The following UBLCP1 variants were observed in gnomAD, a reference collection of about 807,000 sequenced individuals.
UBLCP1 encodes the protein ubiquitin-like domain-containing CTD phosphatase 1.
In UBLCP1, 28 loss-of-function variants were observed where a neutral mutation model predicts 42.4. That is an observed-to-expected ratio of 0.66 (90% CI 0.49 to 0.90). The LOEUF (loss-of-function observed/expected upper bound fraction) is 0.90. UBLCP1 is among the 40% of genes least tolerant of loss of function. The pLI is 0.00. For missense variants in UBLCP1, 279 were observed against 374.5 expected (o/e 0.75, Z 2.10); for synonymous variants, 122 against 120.8 (o/e 1.01, Z -0.07).
chr5:159,283,247 T>A lies in UBLCP1; in HGVS notation c.837T>A (p.Asp279Glu). The A allele has an allele frequency of 6.2e-7, 1 of 1,607,588 alleles. No homozygotes were observed. Among genetic ancestry groups the A allele is most frequent in the Non-Finnish European group, 8.5e-7 (1 of 1,177,516 alleles). ...TTATGAAAGCGCACCTAAATCGTGA[T>A]AAAGACAAAGAACTTTTAAAATTAA... ...RPFMKAHLNR[D>E]KDKELLKLTQ... The change falls in exon 10 of 11, where the codon GAT (aspartate) becomes GAA (glutamate). Residue 279 changes from aspartate to glutamate, a missense_variant. By Grantham distance (45) the Asp-to-Glu change is conservative. Coordinates refer to ENST00000296786, the MANE Select transcript of UBLCP1 (RefSeq NM_145049.5).
chr5:159,266,222 G>A (rs1753389244), intron 1 of UBLCP1, among the ~76,000 whole-genome samples: 1 of 152,196 alleles, frequency 6.6e-6, no homozygotes, highest in African/African-American at 2.4e-5. Context: ...TGAACCATAA[G>A]GTCCAGGCTG....
intron 8 of UBLCP1, among the ~76,000 whole-genome samples, chr5:159,276,430 A>G (rs1303059444): frequency 6.6e-6 from 1 of 152,242 alleles, no homozygotes; most frequent in Non-Finnish European, 1.5e-5. Flanking sequence ...TTGTTCTATA[A>G]AGGAAATACT....
intron 9 of UBLCP1, among the ~76,000 whole-genome samples, chr5:159,282,125 C>G (rs896323297): frequency 6.6e-6 from 1 of 152,042 alleles, no homozygotes; most frequent in Admixed American, 6.5e-5. Flanking sequence ...TTGCTCTATA[C>G]GCTACTTCCC....
intron 6 of UBLCP1, among the ~76,000 whole-genome samples, chr5:159,273,967 G>A (rs924781371): frequency 8.6e-5 from 13 of 152,004 alleles, no homozygotes; most frequent in Admixed American, 2.6e-4. Flanking sequence ...TAAAGATGAG[G>A]ATTTAATTTT....
At chr5:159,265,522 T>C (rs554723585) in intron 1 of UBLCP1, among the ~76,000 whole-genome samples, 57 of 152,360 alleles carry the variant, frequency 3.7e-4, no homozygotes, top group Middle Eastern at 3.4e-3. Context: ...ATTTTCTGAT[T>C]GATATGGTTT....
chr5:159,270,602 G>C lies in UBLCP1; in HGVS notation c.407G>C (p.Gly136Ala). The part of the protein sequence containing the change: ...KVEILNPPRE[G>A]KKLLVLDVDY... Reference sequence around the variant, plus strand: ...GAAATTTTGAATCCTCCCAGGGAAGGGAAAAAGCTTTTGGTGCTAGATGTT... The same window carrying C: ...GAAATTTTGAATCCTCCCAGGGAAGCGAAAAAGCTTTTGGTGCTAGATGTT... The change falls in exon 5 of 11, where the codon GGG becomes GCG. Residue 136 changes from glycine (G) to alanine (A), a missense_variant. Transcript: ENST00000296786. 2 of 1,608,316 alleles carry C rather than the reference G, an allele frequency of 1.2e-6. No individual in the cohort carries two copies. The highest frequency in any genetic ancestry group is 1.7e-6 in the Non-Finnish European group (2 of 1,178,418).
At chr5:159,279,741 T>A (rs1392793478) in intron 9 of UBLCP1, among the ~76,000 whole-genome samples, 2 of 152,194 alleles carry the variant, frequency 1.3e-5, no homozygotes, top group Non-Finnish European at 2.9e-5. Flanking sequence ...AGAGAAGTGC[T>A]TTTCTTAATA....
chr5:159,270,824 G>A (rs528759775), intron 5 of UBLCP1, among the ~76,000 whole-genome samples, 181 bp downstream of exon 5: 41 of 125,528 alleles, frequency 3.3e-4, no homozygotes, highest in Admixed American at 9.8e-4. Context: ...AAAGTCATCT[G>A]TAATCCTGAT....
chr5:159,268,903 A>G lies in UBLCP1; in HGVS notation c.-13A>G, dbSNP rs1384647072. ...TTTTCTGAAGGAAAGCTGCTTCCTC[A>G]TATGTTTCAAGAATGGCTCTCCCTA... is the stretch of plus-strand genomic sequence containing the variant. On this transcript the variant is annotated 5_prime_UTR_variant, in exon 2 of 11. Coordinates refer to ENST00000296786, the MANE Select transcript of UBLCP1 (RefSeq NM_145049.5). The G allele has an allele frequency of 3.1e-6, 5 of 1,601,388 alleles. No individual in the cohort carries two copies. The highest frequency in any genetic ancestry group is 4.2e-6 in the Non-Finnish European group (5 of 1,176,516).
Position 159,277,169 on chromosome 5 carries a change from G to A in UBLCP1, c.685-1069G>A, listed in dbSNP as rs574004253. ...ATTCTTATATATTTGTCTTCATTTCGTGGGGGGAGTAGGGGGCGGTTTCTA... is the reference window on the plus strand; with the variant it reads ...ATTCTTATATATTTGTCTTCATTTCATGGGGGGAGTAGGGGGCGGTTTCTA... On this transcript the variant is annotated intron_variant, in intron 8 of 10. Transcript: ENST00000296786. Among the ~76,000 whole-genome samples the A allele has an allele frequency of 1.5e-4, 23 of 151,568 alleles. No individual in the cohort carries two copies. In the South Asian group the frequency reaches 4.0e-3, roughly 26 times the overall value.
intron 10 of UBLCP1, 47 bp from the exon 11 acceptor site, chr5:159,284,857 G>T (rs1289161526): frequency 6.2e-7 from 1 of 1,605,516 alleles, no homozygotes; most frequent in Non-Finnish European, 8.5e-7. Flanking sequence ...TTATCTTCAT[G>T]AATTTAGCAT....
intron 1 of UBLCP1, among the ~76,000 whole-genome samples, chr5:159,267,475 A>G (rs1753413452): frequency 1.3e-5 from 2 of 152,190 alleles, no homozygotes; most frequent in South Asian, 2.1e-4. Context: ...CTTGTCTTAG[A>G]TGAGACTTTG....
rs918970910 is a variant in UBLCP1, at chr5:159,268,830, GTATC to G, written c.-46-36_-46-33del. The G allele has an allele frequency of 2.8e-6, 4 of 1,429,222 alleles. No homozygotes were observed. In the African/African-American group the frequency reaches 5.9e-5, roughly 21 times the overall value. 88.5% of individuals were successfully genotyped at this position (1,429,222 alleles called of 1,614,324 possible). On this transcript the variant is annotated intron_variant, in intron 1 of 10. Transcript: ENST00000296786. The stretch of plus-strand genomic sequence containing the variant: ...CTTAAAAGTTTGGCTTCAATAAACA[GTATC>G]TATTTTAACTTGTTCATTTTTGTCT...
intron 5 of UBLCP1, among the ~76,000 whole-genome samples, chr5:159,270,854 T>TATATATATAAG (rs1753456334): frequency 7.9e-5 from 12 of 151,280 alleles, no homozygotes; most frequent in South Asian, 4.2e-4. Flanking sequence ...TGACCACTCT[T>TATATATATAAG]AGTAATTTGA....
At chr5:159,277,992 A>G (rs566090617) in intron 8 of UBLCP1, among the ~76,000 whole-genome samples, 1 of 152,366 alleles carries the variant, frequency 6.6e-6, no homozygotes, top group African/African-American at 2.4e-5. Context: ...TCTTCACGTT[A>G]AAATTATGGA....
At chr5:159,276,144 T>C (rs1262088101) in intron 8 of UBLCP1, among the ~76,000 whole-genome samples, 3 of 152,120 alleles carry the variant, frequency 2.0e-5, no homozygotes, top group Non-Finnish European at 2.9e-5. Flanking sequence ...AACTGTTAGC[T>C]GGGCTGGATA....
At chr5:159,265,996 T>C (rs936053948) in intron 1 of UBLCP1, among the ~76,000 whole-genome samples, 12 of 152,190 alleles carry the variant, frequency 7.9e-5, no homozygotes, top group Non-Finnish European at 1.6e-4. Context: ...GGGTATGTCT[T>C]AGCAGCATGA....
Position 159,272,100 on chromosome 5 carries a change from G to T in UBLCP1, c.526G>T (p.Asp176Tyr). The change falls in exon 6 of 11, where the codon GAT becomes TAT. Residue 176 changes from aspartate to tyrosine, a missense_variant. Physicochemically the swap from Asp to Tyr is radical, Grantham distance 160. Coordinates refer to ENST00000296786, the MANE Select transcript of UBLCP1 (RefSeq NM_145049.5). ...LHEFLTSAYE[D>Y]YDIVIWSATN... is the part of the protein sequence containing the mutation. Reference sequence around the variant, plus strand: ...TGAATTTCTAACATCTGCCTATGAAGATTATGACATTGTTATTTGGTGTAA... The same window carrying T: ...TGAATTTCTAACATCTGCCTATGAATATTATGACATTGTTATTTGGTGTAA... 1 of 1,613,074 alleles carries T rather than the reference G, an allele frequency of 6.2e-7. No homozygotes were observed.
rs771216988 is a variant in UBLCP1 at position 159,283,393 on chromosome 5, T to C, written c.929+54T>C. The C allele has an allele frequency of 3.2e-4, 458 of 1,425,572 alleles. 1 individual carries two copies. Among genetic ancestry groups the C allele is most frequent in the Non-Finnish European group, 4.2e-4 (440 of 1,048,698 alleles). 88.3% of individuals were successfully genotyped at this position (1,425,572 alleles called of 1,614,324 possible). On this transcript the variant is annotated intron_variant, in intron 10 of 10. Coordinates refer to ENST00000296786, the MANE Select transcript of UBLCP1 (RefSeq NM_145049.5). ...CTTTACATCAATGAAGAAAAAATTA[T>C]CATTTTTCATCAGTGACCCCAGTAT...
Sources: gnomAD v4.1 joint callset for allele counts (sites outside exome capture counted in the v4.1 genomes callset) on GRCh38, gnomAD v4.1.1 for gene constraint, MANE v1.5 for transcripts, NCBI Gene and HGNC (gene_info 2026-07-23, HGNC 2026-07-21) for gene names.